MYLIP: variants seen among roughly 807,000 people sequenced by gnomAD.
The protein encoded by MYLIP is myosin regulatory light chain interacting protein.
Under a neutral mutation model 45.8 loss-of-function variants are expected in MYLIP, and 26 were observed. The observed-to-expected ratio is 0.57, with a 90% CI of 0.42 to 0.79. MYLIP has a LOEUF of 0.79. Ranked by LOEUF, MYLIP falls within the 30% of genes least tolerant of loss-of-function variation. The probability of loss-of-function intolerance (pLI) is 0.00; values close to 1 mark genes in which losing one functional copy is unlikely to be tolerated. For synonymous variants in MYLIP, 213 were observed against 218.1 expected (o/e 0.98, Z 0.21); for missense variants, 494 against 555.6 (o/e 0.89, Z 1.11).
At position 16,145,099 on chromosome 6, in the gene MYLIP, C is replaced by A; in HGVS notation, c.1030C>A (p.Gln344Lys). ...GVVDLVSRNN[Q>K]SPSHSPLKSS... is the part of the protein sequence containing the mutation. The stretch of plus-strand genomic sequence containing the variant: ...TGTGGACCTCGTTTCAAGAAACAAC[C>A]AGAGCCCTTCACACTCGCCTCTGAA... Residue 344 changes from glutamine (Q) to lysine (K), a missense_variant, in exon 6 of 7, where the codon CAG becomes AAG. Gln to Lys is a moderately conservative substitution (Grantham distance 53). Transcript: ENST00000356840. The A allele has an allele frequency of 2.5e-6, 4 of 1,614,200 alleles. No individual in the cohort carries two copies. Among genetic ancestry groups the A allele is most frequent in the Non-Finnish European group, 2.5e-6 (3 of 1,180,032 alleles).
At chr6:16,145,424 C>T in intron 6 of MYLIP, 107 bp downstream of exon 6, 1 of 1,269,310 alleles carries the variant, frequency 7.9e-7, no homozygotes, top group Non-Finnish European at 1.1e-6. Flanking sequence ...GGGGAATGCC[C>T]ATCTTCACCC....
chr6:16,155,881 AG>A, the MYLIP span, among the ~76,000 whole-genome samples: 2 of 147,050 alleles, frequency 1.4e-5, no homozygotes, highest in African/African-American at 5.3e-5. Flanking sequence ...TCCACCAGCA[AG>A]GGTAGAAGGT....
intron 4 of MYLIP, among the ~76,000 whole-genome samples, 173 bp from the exon 5 acceptor site, chr6:16,143,526 C>A (rs181455552): frequency 1.3e-5 from 2 of 152,342 alleles, no homozygotes; most frequent in African/African-American, 4.8e-5. Flanking sequence ...ATATGCCCAA[C>A]TGCTTTTCAC....
rs1177329071 is a variant in MYLIP, at chr6:16,141,596, C to CATA, written c.279-27_279-25dup. 5 of 1,582,246 alleles carry CATA rather than the reference C, an allele frequency of 3.2e-6. No homozygotes were observed. In the South Asian group the frequency reaches 5.6e-5, roughly 18 times the overall value. The stretch of plus-strand genomic sequence containing the variant: ...AGATTGATGTCAGGTTATCCCCAAG[C>CATA]ATAACCTCACTCTCACCTTGCTTTG... On this transcript the variant is annotated intron_variant, in intron 2 of 6. Coordinates refer to ENST00000356840, the MANE Select transcript of MYLIP (RefSeq NM_013262.4).
At chr6:16,153,378 G>A in the MYLIP span, among the ~76,000 whole-genome samples, 6 of 152,092 alleles carry the variant, frequency 3.9e-5, no homozygotes, top group South Asian at 2.1e-4. Flanking sequence ...TTACATCAGC[G>A]TTTCCGTTAT....
intron 2 of MYLIP, among the ~76,000 whole-genome samples, chr6:16,137,052 TC>T (rs1759571143): frequency 6.6e-6 from 1 of 152,190 alleles, no homozygotes; most frequent in African/African-American, 2.4e-5. Context: ...TCCACTTTCT[TC>T]TTTTGTGGTT....
intron 2 of MYLIP, among the ~76,000 whole-genome samples, chr6:16,136,466 G>C (rs374211332): frequency 2.2e-4 from 33 of 152,044 alleles, no homozygotes; most frequent in African/African-American, 7.5e-4. Flanking sequence ...TCTAGTGTTT[G>C]TTTATCCGTA....
chr6:16,135,727 C>T (rs1263962573), intron 2 of MYLIP, among the ~76,000 whole-genome samples: 1 of 136,044 alleles, frequency 7.4e-6, no homozygotes, highest in East Asian at 2.1e-4. Context: ...TATATATACA[C>T]ACATTATATG....
At chr6:16,135,883 A>G (rs1018612218) in intron 2 of MYLIP, among the ~76,000 whole-genome samples, 27 of 149,320 alleles carry the variant, frequency 1.8e-4, no homozygotes, top group African/African-American at 5.9e-4. Context: ...AGTATATACT[A>G]TATATACTAA....
At chr6:16,146,180 C>T (rs1759786414) in intron 6 of MYLIP, among the ~76,000 whole-genome samples, 1 of 152,190 alleles carries the variant, frequency 6.6e-6, no homozygotes, top group Non-Finnish European at 1.5e-5. Flanking sequence ...GAGAAGTCAG[C>T]CAGGAATGTG....
At chr6:16,149,120 C>G (rs1325183074), downstream of MYLIP, among the ~76,000 whole-genome samples, 1 of 152,184 alleles carries the variant, frequency 6.6e-6, no homozygotes, top group African/African-American at 2.4e-5. Context: ...TGTACTTAGC[C>G]TGTAACGTGT....
chr6:16,159,644 C>T, the MYLIP span, among the ~76,000 whole-genome samples: 27 of 152,304 alleles, frequency 1.8e-4, no homozygotes, highest in African/African-American at 6.5e-4. Context: ...ACCCAAGCTC[C>T]CAGCACACCA....
At chr6:16,137,413 A>G (rs1044223810) in intron 2 of MYLIP, among the ~76,000 whole-genome samples, 1 of 152,256 alleles carries the variant, frequency 6.6e-6, no homozygotes, top group Non-Finnish European at 1.5e-5. Context: ...ATGGCTCTCC[A>G]GGAGAAATAC....
At position 16,147,972 on chromosome 6, in the gene MYLIP, A is replaced by G. The variant is rs146292820; in HGVS notation, c.*1221A>G. On this transcript the variant is annotated 3_prime_UTR_variant, in exon 7 of 7. Transcript: ENST00000356840. ...GTGCAATACTAGCTAAGGTAAAGCT[A>G]GAAACCTACACTGTCACTTTACTGA... 6 of 152,764 alleles carry G rather than the reference A, an allele frequency of 3.9e-5. No individual in the cohort carries two copies. Among genetic ancestry groups the G allele is most frequent in the Non-Finnish European group, 7.4e-5 (5 of 68,026 alleles). 9.5% of individuals were successfully genotyped at this position (152,764 alleles called of 1,614,324 possible).
At chr6:16,131,703 G>T (rs925106723) in intron 2 of MYLIP, among the ~76,000 whole-genome samples, 1 of 152,204 alleles carries the variant, frequency 6.6e-6, no homozygotes, top group Non-Finnish European at 1.5e-5. Context: ...TTTAAGTAAT[G>T]ATGAATGAGC....
In MYLIP at chr6:16,146,864, TG is replaced by T; in HGVS notation, c.*114del. ...ATTCCAACACCCATCTGCCATGCGA[TG>T]TTAAAAAAAAAAAAAAGGAAGAAAA... On this transcript the variant is annotated 3_prime_UTR_variant, in exon 7 of 7. Coordinates refer to ENST00000356840, the MANE Select transcript of MYLIP (RefSeq NM_013262.4). The T allele has an allele frequency of 3.6e-5, 30 of 840,612 alleles. No individual in the cohort carries two copies. Among genetic ancestry groups the T allele is most frequent in the Non-Finnish European group, 3.4e-5 (20 of 588,552 alleles). The allele number at this position is 840,612 out of a possible 1,614,324, so 52.1% of individuals were successfully genotyped here. A position where few individuals can be genotyped will look rare whatever the true frequency, so the allele number is the denominator to read the frequency against.
rs549427589 is a variant in MYLIP, at chr6:16,129,133, G to A, written c.-190G>A. 33 of 589,056 alleles carry A rather than the reference G, an allele frequency of 5.6e-5. No individual in the cohort carries two copies. The highest frequency in any genetic ancestry group is 2.4e-4 in the East Asian group (8 of 33,314). 36.5% of individuals were successfully genotyped at this position (589,056 alleles called of 1,614,324 possible). A position where few individuals can be genotyped will look rare whatever the true frequency, so the allele number is the denominator to read the frequency against. On this transcript the variant is annotated 5_prime_UTR_variant, in exon 1 of 7. Coordinates refer to ENST00000356840, the MANE Select transcript of MYLIP (RefSeq NM_013262.4). This position sits in a 1 kb window ranked among gnomAD's most constrained non-coding sequence, Gnocchi z 5.1. ...GCCACCGCGGAGGACAGGGGCAGCT[G>A]GCGGGCAGCGGGTGAGGGGGTGGCG...
the MYLIP span, among the ~76,000 whole-genome samples, chr6:16,154,252 T>C: frequency 2.0e-5 from 3 of 152,160 alleles, no homozygotes; most frequent in African/African-American, 7.2e-5. Context: ...TACAGGAACA[T>C]GCCATCTTTC....
chr6:16,146,553 CA>C, intron 6 of MYLIP, 108 bp from the exon 7 acceptor site: 1 of 807,978 alleles, frequency 1.2e-6, no homozygotes, highest in Admixed American at 2.2e-5. Context: ...ACTGTGATCA[CA>C]ATTGATTTAG....
Sources: allele counts gnomAD v4.1 joint callset (sites outside exome capture counted in the v4.1 genomes callset), GRCh38; gene constraint gnomAD v4.1.1; non-coding constraint Gnocchi (gnomAD v3.1); transcripts MANE v1.5; gene names NCBI Gene and HGNC (gene_info 2026-07-23, HGNC 2026-07-21).